The following PRKCA variants were observed in gnomAD, a reference collection of about 807,000 sequenced individuals.
PRKCA encodes the protein protein kinase C alpha.
PRKCA carries 27 observed loss-of-function variants against 87.0 expected under a neutral mutation model. That is an observed-to-expected ratio of 0.31 (90% confidence interval 0.23 to 0.43). PRKCA has a LOEUF of 0.43. Among genes scored for constraint, PRKCA ranks in the 20% least tolerant of loss-of-function variants. The pLI is 1.00. For synonymous variants in PRKCA, 329 were observed against 311.1 expected, an observed-to-expected ratio of 1.06 and a Z score of -0.61; for missense variants, 518 against 852.3, an observed-to-expected ratio of 0.61 and a Z score of 4.88.
chr17:66,540,555 TC>T (rs1171452436), intron 3 of PRKCA, among the ~76,000 whole-genome samples: 2 of 152,168 alleles, frequency 1.3e-5, no homozygotes, highest in Non-Finnish European at 2.9e-5. Flanking sequence ...GAAGCAGCAC[TC>T]GGAGTGGAGT....
At chr17:66,761,479 T>C (rs774611400) in intron 13 of PRKCA, among the ~76,000 whole-genome samples, 47 of 152,088 alleles carry the variant, frequency 3.1e-4, no homozygotes, top group African/African-American at 1.1e-3. Flanking sequence ...GTTGTTGAGA[T>C]GGAGTCTCGC....
chr17:66,799,864 A>T (rs913389554), intron 16 of PRKCA, among the ~76,000 whole-genome samples: 2 of 152,000 alleles, frequency 1.3e-5, no homozygotes, highest in Non-Finnish European at 2.9e-5. Flanking sequence ...AAAGGAGACG[A>T]TGTTTCTCAC....
At chr17:66,313,479 T>C (rs757079302) in intron 2 of PRKCA, among the ~76,000 whole-genome samples, 27 of 152,208 alleles carry the variant, frequency 1.8e-4, no homozygotes, top group Non-Finnish European at 3.5e-4. Context: ...ACTTAATGTG[T>C]CTTCTTTCTA....
intron 2 of PRKCA, among the ~76,000 whole-genome samples, chr17:66,347,127 T>A (rs1289240530): frequency 6.6e-6 from 1 of 152,200 alleles, no homozygotes; most frequent in Non-Finnish European, 1.5e-5. Context: ...GATGAGAGAT[T>A]TTAAAGATTT....
At chr17:66,560,625 G>T (rs560315147) in intron 3 of PRKCA, among the ~76,000 whole-genome samples, 6 of 152,256 alleles carry the variant, frequency 3.9e-5, no homozygotes, top group African/African-American at 1.4e-4. Context: ...CTGAATTGTT[G>T]AGTGACTCAA....
chr17:66,593,304 AT>A (rs1969872179), intron 3 of PRKCA, among the ~76,000 whole-genome samples: 1 of 152,012 alleles, frequency 6.6e-6, no homozygotes, highest in Non-Finnish European at 1.5e-5. Flanking sequence ...TTCCATCCTG[AT>A]GCTCTGTTGT....
intron 16 of PRKCA, among the ~76,000 whole-genome samples, chr17:66,798,605 G>A (rs1598953729): frequency 5.7e-5 from 2 of 35,320 alleles, no homozygotes; most frequent in Non-Finnish European, 6.5e-5. Context: ...GGTGGTGGTG[G>A]TGGTGGTGGT....
intron 1 of PRKCA, among the ~76,000 whole-genome samples, chr17:66,305,183 T>C (rs1360753967): frequency 6.6e-6 from 1 of 152,222 alleles, no homozygotes. Context: ...CTTTCATTAT[T>C]GCTTCTACGG....
At chr17:66,737,302 G>A (rs1974058071) in intron 10 of PRKCA, among the ~76,000 whole-genome samples, 1 of 152,142 alleles carries the variant, frequency 6.6e-6, no homozygotes, top group Non-Finnish European at 1.5e-5. Flanking sequence ...GGTGGAGCTT[G>A]CAGTGAGCCG....
intron 2 of PRKCA, among the ~76,000 whole-genome samples, chr17:66,428,561 T>C (rs2143822140): frequency 6.6e-6 from 1 of 151,704 alleles, no homozygotes; most frequent in African/African-American, 2.4e-5. Flanking sequence ...TAGAGTGCAG[T>C]GGCACAATCT....
At chr17:66,658,714 T>A (rs1377298261) in intron 5 of PRKCA, among the ~76,000 whole-genome samples, 1 of 152,190 alleles carries the variant, frequency 6.6e-6, no homozygotes. Flanking sequence ...GGGTTGTTAC[T>A]CTATTAATGG....
chr17:66,315,749 G>A (rs999970066), intron 2 of PRKCA, among the ~76,000 whole-genome samples: 6 of 152,082 alleles, frequency 3.9e-5, no homozygotes, highest in African/African-American at 1.4e-4. Flanking sequence ...CAAAGTGCTG[G>A]GATTACAGGC....
chr17:66,589,370 G>GT (rs1969724442), intron 3 of PRKCA, among the ~76,000 whole-genome samples: 2 of 152,206 alleles, frequency 1.3e-5, no homozygotes, highest in South Asian at 4.2e-4. Context: ...TAGATTGTAG[G>GT]TTTTTTTACA....
intron 2 of PRKCA, among the ~76,000 whole-genome samples, chr17:66,451,443 T>C (rs552640160): frequency 3.3e-5 from 5 of 152,204 alleles, no homozygotes; most frequent in African/African-American, 1.2e-4. Context: ...TTTGGGCTTT[T>C]GTTTTTGGTA....
chr17:66,353,344 G>A (rs1049801147), intron 2 of PRKCA, among the ~76,000 whole-genome samples: 14 of 152,260 alleles, frequency 9.2e-5, no homozygotes, highest in Admixed American at 2.0e-4. Flanking sequence ...TTTATGATAG[G>A]TATCCTTTAG....
intron 5 of PRKCA, among the ~76,000 whole-genome samples, chr17:66,646,177 C>T (rs1332015033): frequency 1.3e-5 from 2 of 152,162 alleles, no homozygotes; most frequent in African/African-American, 4.8e-5. Flanking sequence ...ACCACACCTC[C>T]TACAAACAGC....
At chr17:66,566,480 G>GTTTTTT (rs56912157) in intron 3 of PRKCA, among the ~76,000 whole-genome samples, 20 of 97,032 alleles carry the variant, frequency 2.1e-4, no homozygotes, top group Non-Finnish European at 2.9e-4. Context: ...TTGTTTTTTG[G>GTTTTTT]TTTTTTTTTT....
At chr17:66,467,969 A>G (rs1047231605) in intron 2 of PRKCA, among the ~76,000 whole-genome samples, 1 of 152,076 alleles carries the variant, frequency 6.6e-6, no homozygotes, top group African/African-American at 2.4e-5. Flanking sequence ...CCTTGCTGAT[A>G]GTTCCACTTT....
At chr17:66,523,397 A>G (rs546199164) in intron 3 of PRKCA, among the ~76,000 whole-genome samples, 23 of 152,322 alleles carry the variant, frequency 1.5e-4, no homozygotes, top group Admixed American at 3.9e-4. Context: ...TATTGGTTGT[A>G]TGACCTTGAG....
Sources: allele counts gnomAD v4.1 joint callset (sites outside exome capture counted in the v4.1 genomes callset), GRCh38; gene constraint gnomAD v4.1.1; transcripts MANE v1.5; gene names NCBI Gene and HGNC (gene_info 2026-07-23, HGNC 2026-07-21).